Variants in RFC3 observed in about 807,000 individuals in gnomAD.
The protein encoded by RFC3 is A1 38 kDa subunit.
Under a neutral mutation model 45.1 loss-of-function variants are expected in RFC3, and 41 were observed. The ratio of observed to expected loss-of-function variants is 0.91; its 90% confidence interval spans 0.71 to 1.18. The LOEUF (loss-of-function observed/expected upper bound fraction) is 1.18. RFC3 is among the 50% of genes most tolerant of loss of function. The probability of loss-of-function intolerance (pLI) is 0.00; values close to 1 mark genes in which losing one functional copy is unlikely to be tolerated. For missense variants in RFC3, 423 were observed against 428.1 expected, an observed-to-expected ratio of 0.99 and a Z score of 0.10; for synonymous variants, 149 against 144.0, an observed-to-expected ratio of 1.03 and a Z score of -0.25.
chr13:33,865,316 G>A (rs1426530110), intron 8 of RFC3, among the ~76,000 whole-genome samples: 3 of 152,216 alleles, frequency 2.0e-5, no homozygotes, highest in African/African-American at 7.2e-5. Context: ...CTTTGCCTGA[G>A]GGAGTTGCCT....
chr13:33,829,721 A>G, intron 4 of RFC3, 115 bp from the exon 5 acceptor site: 1 of 777,640 alleles, frequency 1.3e-6, no homozygotes, highest in South Asian at 1.5e-5. Context: ...TGGGAAGAGT[A>G]GTATATCAGG....
chr13:33,836,512 G>A lies in RFC3; in HGVS notation c.*217G>A. On this transcript the variant is annotated 3_prime_UTR_variant, in exon 9 of 9. Coordinates refer to ENST00000380071, the MANE Select transcript of RFC3 (RefSeq NM_002915.4). Reference sequence around the variant, plus strand: ...TTGTACATAACTTAGAGACTTTAGAGTCTAAGAAAATGATCTTAATTTACT... The same window carrying A: ...TTGTACATAACTTAGAGACTTTAGAATCTAAGAAAATGATCTTAATTTACT... 8.0e-7 allele frequency: 1 copy of A among 1,256,002 alleles called. No individual in the cohort carries two copies. The highest frequency in any genetic ancestry group is 1.5e-5 in the African/African-American group (1 of 66,572). The allele number at this position is 1,256,002 out of a possible 1,614,324, so 77.8% of individuals were successfully genotyped here.
the RFC3 span, among the ~76,000 whole-genome samples, chr13:33,972,085 C>T: frequency 3.9e-5 from 6 of 152,204 alleles, no homozygotes; most frequent in East Asian, 7.7e-4. Context: ...CACGGCACTC[C>T]GGCCTGGGTG....
At chr13:33,942,638 A>G (rs1418411538) in intron 8 of RFC3, among the ~76,000 whole-genome samples, 1 of 152,162 alleles carries the variant, frequency 6.6e-6, no homozygotes, top group Admixed American at 6.5e-5. Flanking sequence ...ATACCATAAT[A>G]AGTTTATAAA....
intron 8 of RFC3, among the ~76,000 whole-genome samples, chr13:33,882,315 T>A (rs1277942385): frequency 1.3e-5 from 2 of 152,242 alleles, no homozygotes; most frequent in East Asian, 3.8e-4. Context: ...TAAAACTTTA[T>A]CACACGTGTA....
intron 8 of RFC3, among the ~76,000 whole-genome samples, chr13:33,939,336 G>A (rs901196614): frequency 1.3e-5 from 2 of 152,098 alleles, no homozygotes; most frequent in African/African-American, 4.8e-5. Context: ...CACCCTCTGG[G>A]AAGAGTGGAG....
In RFC3 at chr13:33,836,225, C is replaced by T. The variant is rs749527002; in HGVS notation, c.1001C>T (p.Ala334Val). The T allele has an allele frequency of 6.8e-6, 11 of 1,613,404 alleles. No homozygotes were observed. The highest frequency in any genetic ancestry group is 2.2e-5 in the East Asian group (1 of 44,858). Residue 334 changes from alanine to valine, a missense_variant, in exon 9 of 9, where the codon GCG (alanine) becomes GTG (valine). Transcript: ENST00000380071. Reference protein sequence around the residue: ...LGSKAIYHLEAFVAKFMALYK... With the variant: ...LGSKAIYHLEVFVAKFMALYK... ...AGCAAAGCCATTTATCACTTGGAAGCGTTTGTGGCCAAATTCATGGCACTT... is the reference window on the plus strand; with the variant it reads ...AGCAAAGCCATTTATCACTTGGAAGTGTTTGTGGCCAAATTCATGGCACTT...
intron 8 of RFC3, among the ~76,000 whole-genome samples, chr13:33,947,043 G>A (rs1466118273): frequency 1.3e-5 from 2 of 152,182 alleles, no homozygotes; most frequent in Non-Finnish European, 2.9e-5. Flanking sequence ...ACCACATTTA[G>A]TAACATCACC....
intron 8 of RFC3, among the ~76,000 whole-genome samples, chr13:33,961,930 G>A (rs1258310839): frequency 6.6e-6 from 1 of 152,172 alleles, no homozygotes; most frequent in Non-Finnish European, 1.5e-5. Context: ...CTTTTCCTCT[G>A]TAAGAATTTT....
chr13:33,929,791 T>G (rs1404843066), intron 8 of RFC3, among the ~76,000 whole-genome samples: 1 of 152,102 alleles, frequency 6.6e-6, no homozygotes, highest in African/African-American at 2.4e-5. Flanking sequence ...TATTATAATT[T>G]GACAATTGGA....
At chr13:33,879,800 T>C (rs913152137) in intron 8 of RFC3, among the ~76,000 whole-genome samples, 2 of 152,202 alleles carry the variant, frequency 1.3e-5, no homozygotes, top group African/African-American at 4.8e-5. Flanking sequence ...GATTTTGAGC[T>C]AAAACCAAGG....
chr13:33,821,425 T>C lies in RFC3; in HGVS notation c.225+156T>C, dbSNP rs1329661. 1.4e-3 allele frequency among the ~76,000 whole-genome samples: 220 copies of C among 152,324 alleles called. 2 individuals are homozygous for C. The East Asian group carries it at 0.021, about 15-fold the overall frequency. On this transcript the variant is annotated intron_variant, in intron 2 of 8. Transcript: ENST00000380071. ...GCACAGGATTTGAGAGCTACTGATA[T>C]GGATCTGTTATAACCAGAGCAAAGC...
intron 8 of RFC3, among the ~76,000 whole-genome samples, chr13:33,926,020 A>C (rs1333183476): frequency 6.6e-6 from 1 of 151,948 alleles, no homozygotes; most frequent in Non-Finnish European, 1.5e-5. Flanking sequence ...ATGGAATACT[A>C]TGCAGCCATA....
At chr13:33,938,917 A>C (rs1254472605) in intron 8 of RFC3, among the ~76,000 whole-genome samples, 1 of 152,120 alleles carries the variant, frequency 6.6e-6, no homozygotes, top group Non-Finnish European at 1.5e-5. Context: ...GGTTTTTGCC[A>C]ACAATTGGGA....
intron 8 of RFC3, among the ~76,000 whole-genome samples, chr13:33,955,334 T>C (rs978809431): frequency 4.6e-5 from 7 of 152,112 alleles, no homozygotes; most frequent in Non-Finnish European, 1.0e-4. Flanking sequence ...TTAACAACGA[T>C]ATTTGTGGGT....
chr13:33,948,467 G>A (rs1270509636), intron 8 of RFC3, among the ~76,000 whole-genome samples: 1 of 152,216 alleles, frequency 6.6e-6, no homozygotes, highest in African/African-American at 2.4e-5. Flanking sequence ...GTAAATGTGC[G>A]GTTGGATTCC....
chr13:33,943,305 G>A (rs1566037458), intron 8 of RFC3, among the ~76,000 whole-genome samples: 1 of 151,990 alleles, frequency 6.6e-6, no homozygotes, highest in Non-Finnish European at 1.5e-5. Context: ...TTTATTTCTA[G>A]CCTACAGGAA....
intron 8 of RFC3, among the ~76,000 whole-genome samples, chr13:33,876,736 GGAATCTACTCTTGGGTTTGCCTT>G (rs1459096836): frequency 1.3e-5 from 2 of 152,160 alleles, no homozygotes; most frequent in Non-Finnish European, 2.9e-5. Flanking sequence ...AGGAGAGGTT[GGAATCTACTCTTGGGTTTGCCTT>G]AAATAAGCTT....
intron 8 of RFC3, among the ~76,000 whole-genome samples, chr13:33,845,263 G>A (rs1461378169): frequency 6.6e-6 from 1 of 151,896 alleles, no homozygotes. Flanking sequence ...GTCTTATTTG[G>A]GTTAAATCTT....
Sources: gnomAD v4.1 joint callset for allele counts (sites outside exome capture counted in the v4.1 genomes callset) on GRCh38, gnomAD v4.1.1 for gene constraint, MANE v1.5 for transcripts, NCBI Gene and HGNC (gene_info 2026-07-23, HGNC 2026-07-21) for gene names.